PFDN5: variants seen among roughly 807,000 people sequenced by gnomAD.
PFDN5 encodes the protein prefoldin subunit 5.
In PFDN5, 13 loss-of-function variants were observed where a neutral mutation model predicts 21.5. The ratio of observed to expected loss-of-function variants is 0.60; its 90% confidence interval spans 0.39 to 0.96. The LOEUF (loss-of-function observed/expected upper bound fraction) is 0.96, where lower values mean the gene tolerates loss of function less well. Among genes scored for constraint, PFDN5 ranks in the 40% least tolerant of loss-of-function variants. The pLI, the probability that PFDN5 is intolerant of heterozygous loss-of-function variation, is 0.00. For synonymous variants in PFDN5, 84 were observed against 68.9 expected (o/e 1.22, Z -1.08); for missense variants, 188 against 186.2 (o/e 1.01, Z -0.06).
rs949881311 is a variant in PFDN5 at position 53,295,588 on chromosome 12, C to T, written c.21C>T (p.Ile7=). The change falls in exon 1 of 6, where the codon ATC becomes ATT. Residue 7 remains isoleucine (I), a synonymous_variant. Coordinates refer to ENST00000334478, the MANE Select transcript of PFDN5 (RefSeq NM_002624.4). The part of the protein sequence containing the change: MAQSIN[I]TELNLPQLEM... ...CCAACATGGCGCAGTCTATTAACATCACGGAGCTGAATCTGCCGCAGCTAG... is the reference window on the plus strand; with the variant it reads ...CCAACATGGCGCAGTCTATTAACATTACGGAGCTGAATCTGCCGCAGCTAG... The T allele has an allele frequency of 1.9e-6, 3 of 1,613,850 alleles. No individual in the cohort carries two copies. The highest frequency in any genetic ancestry group is 2.5e-6 in the Non-Finnish European group (3 of 1,179,898).
Position 53,295,562 on chromosome 12 carries a change from C to G in PFDN5, c.-6C>G. 1 of 1,612,514 alleles carries G rather than the reference C, an allele frequency of 6.2e-7. No individual in the cohort carries two copies. Among genetic ancestry groups the G allele is most frequent in the Non-Finnish European group, 8.5e-7 (1 of 1,178,664 alleles). Reference sequence around the variant, plus strand: ...ACTTCCTCTTCGTTAAGTCGGCCTTCCCAACATGGCGCAGTCTATTAACAT... The same window carrying G: ...ACTTCCTCTTCGTTAAGTCGGCCTTGCCAACATGGCGCAGTCTATTAACAT... On this transcript the variant is annotated 5_prime_UTR_variant, in exon 1 of 6. Coordinates refer to ENST00000334478, the MANE Select transcript of PFDN5 (RefSeq NM_002624.4).
chr12:53,297,895 G>A lies in PFDN5; in HGVS notation c.253G>A (p.Asp85Asn), dbSNP rs1003212322. 10 of 1,613,226 alleles carry A rather than the reference G, an allele frequency of 6.2e-6. No individual in the cohort carries two copies. Among genetic ancestry groups the A allele is most frequent in the African/African-American group, 1.3e-5 (1 of 74,882 alleles). The change falls in exon 4 of 6, where the codon GAT becomes AAT. Residue 85 changes from aspartate (D) to asparagine (N), a missense_variant. Coordinates refer to ENST00000334478, the MANE Select transcript of PFDN5 (RefSeq NM_002624.4). ...KLHDVEHVLI[D>N]VGTGYYVEKT... The stretch of plus-strand genomic sequence containing the variant: ...GCATGATGTGGAACACGTGCTCATC[G>A]ATGTGGGAACTGGGTACTATGTAGA...
At chr12:53,298,186 C>A in intron 5 of PFDN5, 36 bp downstream of exon 5, 1 of 1,241,416 alleles carries the variant, frequency 8.1e-7, no homozygotes, top group Non-Finnish European at 1.2e-6. Flanking sequence ...GACCCTATCT[C>A]CATAATAAGG....
chr12:53,299,269 C>T lies in PFDN5; in HGVS notation c.389C>T (p.Ala130Val). 1 of 1,608,904 alleles carries T rather than the reference C, an allele frequency of 6.2e-7. No individual in the cohort carries two copies. The change falls in exon 6 of 6, where the codon GCC becomes GTC. Residue 130 changes from alanine (A) to valine (V), a missense_variant and splice_region_variant. Physicochemically the swap from Ala to Val is moderately conservative, Grantham distance 64. Transcript: ENST00000334478. ...ALQEKHAMKQ[A>V]VMEMMSQKIQ... ...CTTTGACTCTTATTTTTTTCCACAG[C>T]CGTCATGGAAATGATGAGTCAGAAG...
chr12:53,295,769 GC>G (rs1944142221), intron 1 of PFDN5, 69 bp from the exon 2 acceptor site: 3 of 1,243,730 alleles, frequency 2.4e-6, no homozygotes, highest in South Asian at 2.4e-5. Context: ...CCCAGGACCT[GC>G]CCCCTCCCCG....
At chr12:53,299,237 T>C in intron 5 of PFDN5, 32 bp from the exon 6 acceptor site, 1 of 1,525,360 alleles carries the variant, frequency 6.6e-7, no homozygotes, top group Non-Finnish European at 9.1e-7. Flanking sequence ...TCCTTTTTGC[T>C]TCTAACCTTT....
At position 53,297,886 on chromosome 12, in the gene PFDN5, G is replaced by A. The variant is rs200040547; in HGVS notation, c.244G>A (p.Val82Met). 292 of 1,613,330 alleles carry A rather than the reference G, an allele frequency of 1.8e-4. No homozygotes were observed. The highest frequency in any genetic ancestry group is 1.3e-3 in the Admixed American group (79 of 60,026). The change falls in exon 4 of 6, where the codon GTG (valine) becomes ATG (methionine). Residue 82 changes from valine (V) to methionine (M), a missense_variant. Physicochemically the swap from Val to Met is conservative, Grantham distance 21. Transcript: ENST00000334478. ...VPGKLHDVEH[V>M]LIDVGTGYYV... ...TGGGAAGCTGCATGATGTGGAACAC[G>A]TGCTCATCGATGTGGGAACTGGGTA...
chr12:53,296,610 A>G, intron 3 of PFDN5: 1 of 390,234 alleles, frequency 2.6e-6, no homozygotes, highest in Non-Finnish European at 4.8e-6. Context: ...GGGTTTCACC[A>G]TATTGGCCAG....
chr12:53,298,353 T>C, intron 5 of PFDN5: 1 of 514,614 alleles, frequency 1.9e-6, no homozygotes, highest in Admixed American at 3.2e-5. Flanking sequence ...AAGGAAATCA[T>C]GTTTGTGCTT....
chr12:53,296,003 C>A, intron 2 of PFDN5, 62 bp downstream of exon 2: 1 of 1,011,658 alleles, frequency 9.9e-7, no homozygotes, highest in South Asian at 1.3e-5. Flanking sequence ...GTCCCACCTC[C>A]TAACCCAGTT....
At position 53,295,589 on chromosome 12, in the gene PFDN5, A is replaced by G. The variant is rs1338888318; in HGVS notation, c.22A>G (p.Thr8Ala). The change falls in exon 1 of 6, where the codon ACG (threonine) becomes GCG (alanine). Residue 8 changes from threonine to alanine, a missense_variant. By Grantham distance (58) the Thr-to-Ala change is moderately conservative. Coordinates refer to ENST00000334478, the MANE Select transcript of PFDN5 (RefSeq NM_002624.4). Reference protein sequence around the residue: MAQSINITELNLPQLEML... With the variant: MAQSINIAELNLPQLEML... ...CAACATGGCGCAGTCTATTAACATC[A>G]CGGAGCTGAATCTGCCGCAGCTAGA... The G allele has an allele frequency of 1.2e-6, 2 of 1,613,784 alleles. No individual in the cohort carries two copies. Among genetic ancestry groups the G allele is most frequent in the Non-Finnish European group, 1.7e-6 (2 of 1,179,896 alleles).
In PFDN5 at chr12:53,296,300, C is replaced by G. The variant is rs762523268; in HGVS notation, c.207+25C>G. 1.8e-5 allele frequency: 28 copies of G among 1,588,616 alleles called. No homozygotes were observed. In the Middle Eastern group the frequency reaches 5.1e-4, roughly 29 times the overall value. On this transcript the variant is annotated intron_variant, in intron 3 of 5. Coordinates refer to ENST00000334478, the MANE Select transcript of PFDN5 (RefSeq NM_002624.4). ...TGTATCCTTTCCACAGGAACGGCTA[C>G]CTGCTGCCTTCTCCCTTTCTCCTTC...
chr12:53,296,218 G>A, intron 2 of PFDN5, 26 bp from the exon 3 acceptor site: 2 of 1,606,080 alleles, frequency 1.2e-6, no homozygotes, highest in South Asian at 2.2e-5. Context: ...ACCTTCCCCA[G>A]GTGTTTGTCT....
At chr12:53,297,604 T>G (rs911166048) in intron 3 of PFDN5, 37 of 486,278 alleles carry the variant, frequency 7.6e-5, no homozygotes, top group Non-Finnish European at 7.5e-6. Flanking sequence ...GCTTAGAGAG[T>G]GAGAGATGGG....
At chr12:53,298,376 T>C in intron 5 of PFDN5, 1 of 467,786 alleles carries the variant, frequency 2.1e-6, no homozygotes, top group Non-Finnish European at 3.9e-6. Flanking sequence ...GTGGAGCTCC[T>C]ATTTAATGAC....
At chr12:53,296,393 T>G in intron 3 of PFDN5, 118 bp downstream of exon 3, 2 of 782,772 alleles carry the variant, frequency 2.6e-6, no homozygotes, top group Non-Finnish European at 4.3e-6. Flanking sequence ...CACAATGATT[T>G]TGAGGATACC....
At chr12:53,295,747 C>T (rs1298340309) in intron 1 of PFDN5, 92 bp from the exon 2 acceptor site, 4 of 1,285,188 alleles carry the variant, frequency 3.1e-6, no homozygotes, top group Non-Finnish European at 4.5e-6. Flanking sequence ...CCAGGCGAAA[C>T]CTCTATCCGA....
At chr12:53,298,443 A>T in intron 5 of PFDN5, 1 of 285,890 alleles carries the variant, frequency 3.5e-6, no homozygotes, top group Non-Finnish European at 6.9e-6. Flanking sequence ...CAAACGAACT[A>T]AATACCAGCA....
intron 3 of PFDN5, chr12:53,297,043 G>A (rs1944159853): frequency 6.5e-6 from 1 of 153,178 alleles, no homozygotes; most frequent in Admixed American, 6.5e-5. Context: ...GAATGAGCAA[G>A]TTATGGCAGT....
Sources: gnomAD v4.1 joint callset for allele counts on GRCh38, gnomAD v4.1.1 for gene constraint, MANE v1.5 for transcripts, NCBI Gene and HGNC (gene_info 2026-07-23, HGNC 2026-07-21) for gene names.